TRIM44: variants seen among roughly 807,000 people sequenced by gnomAD.
The protein encoded by TRIM44 is tripartite motif containing 44, also known as tripartite motif-containing protein 44.
TRIM44 carries 13 observed loss-of-function variants against 37.4 expected under a neutral mutation model. The ratio of observed to expected loss-of-function variants is 0.35; its 90% CI spans 0.23 to 0.55. The LOEUF (loss-of-function observed/expected upper bound fraction) is 0.55. TRIM44 is among the 20% of genes least tolerant of loss of function. The pLI, the probability that TRIM44 is intolerant of heterozygous loss-of-function variation, is 0.89. For missense variants in TRIM44, 426 were observed against 437.2 expected (o/e 0.97, Z 0.23); for synonymous variants, 175 against 157.2 (o/e 1.11, Z -0.85).
intron 4 of TRIM44, among the ~76,000 whole-genome samples, chr11:35,798,869 G>A (rs548094235): frequency 1.3e-5 from 2 of 152,186 alleles, no homozygotes; most frequent in Admixed American, 6.5e-5. Flanking sequence ...TATAGAAGGT[G>A]TATGGGGAAA....
At chr11:35,675,614 CG>C (rs1264732396) in intron 1 of TRIM44, among the ~76,000 whole-genome samples, 4 of 152,116 alleles carry the variant, frequency 2.6e-5, no homozygotes, top group Admixed American at 6.5e-5. Context: ...CTCCGCCTCC[CG>C]GGTTCAAGTG....
At chr11:35,676,166 C>T (rs913249509) in intron 1 of TRIM44, among the ~76,000 whole-genome samples, 11 of 152,094 alleles carry the variant, frequency 7.2e-5, no homozygotes, top group African/African-American at 2.7e-4. Flanking sequence ...ATTGTTTCTC[C>T]TTATTGAGTT....
rs1853547620 is a variant in TRIM44 at position 35,813,375 on chromosome 11, C to T, written c.*6990C>T. Reference sequence around the variant, plus strand: ...ATTAAGAAGTAAGCAAACAAGGCTTCCAACCAATTGAAATAAATACCATGA... The same window carrying T: ...ATTAAGAAGTAAGCAAACAAGGCTTTCAACCAATTGAAATAAATACCATGA... On this transcript the variant is annotated 3_prime_UTR_variant, in exon 5 of 5. Transcript: ENST00000299413. The T allele has an allele frequency of 6.6e-6, 1 of 152,132 alleles. No individual in the cohort carries two copies. The highest frequency in any genetic ancestry group is 2.4e-5 in the African/African-American group (1 of 41,438). The allele number at this position is 152,132 out of a possible 1,614,324, so 9.4% of individuals were successfully genotyped here.
intron 4 of TRIM44, among the ~76,000 whole-genome samples, chr11:35,796,176 A>G (rs961872962): frequency 2.0e-5 from 3 of 152,178 alleles, no homozygotes; most frequent in Admixed American, 1.3e-4. Flanking sequence ...GTTGAAGGTC[A>G]TCATCATGGG....
intron 1 of TRIM44, among the ~76,000 whole-genome samples, chr11:35,683,755 T>G (rs549039716): frequency 6.6e-6 from 1 of 152,110 alleles, no homozygotes; most frequent in Non-Finnish European, 1.5e-5. Context: ...ATATAATGTA[T>G]TATTATTATG....
At position 35,699,753 on chromosome 11, in the gene TRIM44, A is replaced by C. The variant is rs187760684; in HGVS notation, c.747+14417A>C. 1.9e-3 allele frequency among the ~76,000 whole-genome samples: 282 copies of C among 151,978 alleles called. 3 individuals are homozygous for C. Among genetic ancestry groups the C allele is most frequent in the African/African-American group, 6.5e-3 (271 of 41,404 alleles). On this transcript the variant is annotated intron_variant, in intron 2 of 4. Transcript: ENST00000299413. Reference sequence around the variant, plus strand: ...TTAAGCCCATAGGCAACTTCAGCAAAGTCTCAGGATACAAAATCAATGTGC... The same window carrying C: ...TTAAGCCCATAGGCAACTTCAGCAACGTCTCAGGATACAAAATCAATGTGC...
rs1565399856 is a variant in TRIM44, at chr11:35,663,450, A to G, written c.339A>G (p.Thr113=). ...GCGAGTCAGAGGAAGAGAGCGAGAC[A>G]GAGGAAGAGAGTGAGGATGAGAGCG... ...EESESEEESE[T]EEESEDESDE... The change falls in exon 1 of 5, where the codon ACA becomes ACG. Residue 113 remains threonine (T), a synonymous_variant. Coordinates refer to ENST00000299413, the MANE Select transcript of TRIM44 (RefSeq NM_017583.6). The G allele has an allele frequency of 6.4e-7, 1 of 1,565,040 alleles. No individual in the cohort carries two copies.
intron 2 of TRIM44, among the ~76,000 whole-genome samples, chr11:35,702,629 T>C (rs539359941): frequency 3.3e-5 from 5 of 152,312 alleles, no homozygotes; most frequent in African/African-American, 1.2e-4. Flanking sequence ...GCCATGCATA[T>C]TGTAGATGGC....
chr11:35,709,778 G>A (rs867474245), intron 2 of TRIM44, among the ~76,000 whole-genome samples: 51 of 152,280 alleles, frequency 3.3e-4, no homozygotes, highest in African/African-American at 9.1e-4. Flanking sequence ...CCTGGGGGTC[G>A]TTAGAAGCTA....
chr11:35,717,915 C>T (rs1852057638), intron 2 of TRIM44, among the ~76,000 whole-genome samples: 1 of 151,948 alleles, frequency 6.6e-6, no homozygotes, highest in Non-Finnish European at 1.5e-5. Context: ...ATTTTAGACT[C>T]TTGAAGGAGT....
rs34010461 is a variant in TRIM44 at position 35,695,889 on chromosome 11, C to CT, written c.747+10569dup. ...AAAATATAATCTGAAGAAGATTAAA[C>CT]TTTTTTTTTTTTTTTTGACAATGCT... On this transcript the variant is annotated intron_variant, in intron 2 of 4. Transcript: ENST00000299413. Among the ~76,000 whole-genome samples, 246 of 140,026 alleles carry CT rather than the reference C, an allele frequency of 1.8e-3. 1 individual carries two copies. The highest frequency in any genetic ancestry group is 3.8e-3 in the Middle Eastern group (1 of 264). The allele number at this position is 140,026 out of a possible 152,430, so 91.9% of individuals were successfully genotyped here.
intron 2 of TRIM44, among the ~76,000 whole-genome samples, chr11:35,720,909 CTTTTT>C (rs549626841): frequency 0.011 from 1,538 of 138,036 alleles, 26 homozygotes; most frequent in African/African-American, 0.039. Flanking sequence ...GTATATAATT[CTTTTT>C]TTTTTTTTTT....
Position 35,771,306 on chromosome 11 carries a change from T to C in TRIM44, c.1008-35052T>C, listed in dbSNP as rs967268318. Among the ~76,000 whole-genome samples, 6 of 152,220 alleles carry C rather than the reference T, an allele frequency of 3.9e-5. No homozygotes were observed. The South Asian group carries it at 1.2e-3, about 32-fold the overall frequency. ...TGTTATGTTTTCGCAAAAAGACTGG[T>C]GGCATTTTGCCCCTGCCCTAGAAAT... On this transcript the variant is annotated intron_variant, in intron 4 of 4. Coordinates refer to ENST00000299413, the MANE Select transcript of TRIM44 (RefSeq NM_017583.6).
At chr11:35,687,502 C>G (rs758854275) in intron 2 of TRIM44, among the ~76,000 whole-genome samples, 2 of 152,206 alleles carry the variant, frequency 1.3e-5, no homozygotes, top group African/African-American at 2.4e-5. Context: ...CCAAGTTTCT[C>G]TGGTTTCTGG....
At chr11:35,674,564 T>C (rs972485379) in intron 1 of TRIM44, among the ~76,000 whole-genome samples, 1 of 152,204 alleles carries the variant, frequency 6.6e-6, no homozygotes, top group Admixed American at 6.5e-5. Context: ...TTTGGTAAGG[T>C]AATAATTGGT....
chr11:35,776,245 G>A (rs1245744034), intron 4 of TRIM44, among the ~76,000 whole-genome samples: 2 of 152,118 alleles, frequency 1.3e-5, no homozygotes, highest in African/African-American at 4.8e-5. Context: ...AGTTATTTGC[G>A]TGGAGTTGTT....
intron 1 of TRIM44, among the ~76,000 whole-genome samples, chr11:35,669,172 C>T (rs935027736): frequency 6.6e-6 from 1 of 152,152 alleles, no homozygotes; most frequent in African/African-American, 2.4e-5. Context: ...CTGCATACTT[C>T]AAGAGAGGAT....
chr11:35,667,197 A>G (rs1409479090), intron 1 of TRIM44, among the ~76,000 whole-genome samples: 1 of 152,192 alleles, frequency 6.6e-6, no homozygotes, highest in Admixed American at 6.6e-5. Context: ...TTTAATATCA[A>G]ATGCTTTTTT....
At chr11:35,795,347 C>T (rs1242958163) in intron 4 of TRIM44, among the ~76,000 whole-genome samples, 2 of 151,750 alleles carry the variant, frequency 1.3e-5, no homozygotes, top group African/African-American at 4.8e-5. Context: ...GGCAATAGTG[C>T]ATTAAGATTA....
Sources: allele counts gnomAD v4.1 joint callset (sites outside exome capture counted in the v4.1 genomes callset), GRCh38; gene constraint gnomAD v4.1.1; transcripts MANE v1.5; gene names NCBI Gene and HGNC (gene_info 2026-07-23, HGNC 2026-07-21).